Variants in PPP2CB observed in about 807,000 individuals in gnomAD.
PPP2CB encodes the protein serine/threonine-protein phosphatase 2A catalytic subunit beta isoform.
PPP2CB carries 18 observed loss-of-function variants against 39.1 expected under a neutral mutation model. The observed-to-expected ratio is 0.46, with a 90% confidence interval of 0.32 to 0.68. The LOEUF (loss-of-function observed/expected upper bound fraction) is 0.68, where lower values mean the gene tolerates loss of function less well. PPP2CB is among the 30% of genes least tolerant of loss of function. PPP2CB has a pLI of 0.04. For missense variants in PPP2CB, 226 were observed against 396.9 expected (o/e 0.57, Z 3.66); for synonymous variants, 129 against 133.8 (o/e 0.96, Z 0.25).
chr8:30,800,627 T>A (rs1431091386), intron 1 of PPP2CB, among the ~76,000 whole-genome samples: 1 of 152,248 alleles, frequency 6.6e-6, no homozygotes, highest in East Asian at 1.9e-4. Context: ...CTCATCGATC[T>A]GGCCTCTCTG....
rs1316600837 is a variant in PPP2CB, at chr8:30,786,179, T to C, written c.*56A>G. ...GTTGCTTTTTGTTTTTAAATACATA[T>C]ATTTTAAAAAGCCAGGTATACTTCC... On this transcript the variant is annotated 3_prime_UTR_variant, in exon 7 of 7. Coordinates refer to ENST00000221138, the MANE Select transcript of PPP2CB (RefSeq NM_001009552.2). 2 of 1,359,410 alleles carry C rather than the reference T, an allele frequency of 1.5e-6. No individual in the cohort carries two copies. The highest frequency in any genetic ancestry group is 3.0e-5 in the African/African-American group (2 of 67,458). 84.2% of individuals were successfully genotyped at this position (1,359,410 alleles called of 1,614,324 possible). A position where few individuals can be genotyped will look rare whatever the true frequency, so the allele number is the denominator to read the frequency against.
At chr8:30,792,788 CA>C (rs1188606052) in intron 5 of PPP2CB, among the ~76,000 whole-genome samples, 30 of 152,218 alleles carry the variant, frequency 2.0e-4, no homozygotes, top group African/African-American at 6.7e-4. Flanking sequence ...TCCCAAATAA[CA>C]GCTAAATTTT....
intron 1 of PPP2CB, among the ~76,000 whole-genome samples, chr8:30,806,962 A>C (rs1485611564): frequency 6.6e-6 from 1 of 152,224 alleles, no homozygotes; most frequent in Non-Finnish European, 1.5e-5. Context: ...TAAAGTAGAG[A>C]AATGTAACAA....
At position 30,812,661 on chromosome 8, in the gene PPP2CB, GGCCGCGC is replaced by G. The variant is rs954567207; in HGVS notation, c.-247_-241del. Reference sequence around the variant, plus strand: ...GACCCCCGCCCGCCCTTCCCCGCCCGGCCGCGCGCCGCGGGAGTCGGTGAAGGACGCG... The same window carrying G: ...GACCCCCGCCCGCCCTTCCCCGCCCGGCCGCGGGAGTCGGTGAAGGACGCG... On this transcript the variant is annotated 5_prime_UTR_variant, in exon 1 of 7. Coordinates refer to ENST00000221138, the MANE Select transcript of PPP2CB (RefSeq NM_001009552.2). The G allele has an allele frequency of 7.2e-5, 26 of 359,890 alleles. No individual in the cohort carries two copies. The highest frequency in any genetic ancestry group is 1.0e-4 in the Non-Finnish European group (20 of 198,372). The allele number at this position is 359,890 out of a possible 1,614,324, so 22.3% of individuals were successfully genotyped here.
rs147412005 is a variant in PPP2CB, at chr8:30,791,274, G to A, written c.780C>T (p.Phe260=). 12 of 1,612,564 alleles carry A rather than the reference G, an allele frequency of 7.4e-6. No individual in the cohort carries two copies. Among genetic ancestry groups the A allele is most frequent in the Non-Finnish European group, 9.3e-6 (11 of 1,179,636 alleles). The change falls in exon 6 of 7, where the codon TTC becomes TTT. Residue 260 remains phenylalanine (F), a synonymous_variant. Coordinates refer to ENST00000221138, the MANE Select transcript of PPP2CB (RefSeq NM_001009552.2). ...WCHDRNVVTI[F]SAPNYCYRCG... Reference sequence around the variant, plus strand: ...AACGATAACAGTAATTGGGTGCACTGAAAATGGTAACCACATTCCGATCAT... The same window carrying A: ...AACGATAACAGTAATTGGGTGCACTAAAAATGGTAACCACATTCCGATCAT...
Position 30,799,620 on chromosome 8 carries a change from A to G in PPP2CB, c.238T>C (p.Tyr80His). 1 of 1,614,082 alleles carries G rather than the reference A, an allele frequency of 6.2e-7. No homozygotes were observed. Among genetic ancestry groups the G allele is most frequent in the Non-Finnish European group, 8.5e-7 (1 of 1,179,932 alleles). ...RIGGKSPDTN[Y>H]LFMGDYVDRG... ...TCTACATAGTCACCCATGAATAAGTAGTTTGTATCCGGTGATTTTCCACCA... is the reference window on the plus strand; with the variant it reads ...TCTACATAGTCACCCATGAATAAGTGGTTTGTATCCGGTGATTTTCCACCA... The change falls in exon 2 of 7, where the codon TAC (tyrosine) becomes CAC (histidine). Residue 80 changes from tyrosine to histidine, a missense_variant. Tyr to His is a moderately conservative substitution (Grantham distance 83). Transcript: ENST00000221138.
chr8:30,800,233 C>A (rs575254420), intron 1 of PPP2CB, among the ~76,000 whole-genome samples: 3 of 152,174 alleles, frequency 2.0e-5, no homozygotes, highest in Non-Finnish European at 4.4e-5. Context: ...AAATGAAGTA[C>A]TGATACATGC....
intron 1 of PPP2CB, among the ~76,000 whole-genome samples, chr8:30,801,348 C>G (rs987326578): frequency 6.6e-5 from 10 of 151,922 alleles, no homozygotes; most frequent in Admixed American, 1.3e-4. Flanking sequence ...CTGGCTAACA[C>G]AGTGAAACCC....
At chr8:30,812,080 G>A (rs1298050427) in intron 1 of PPP2CB, among the ~76,000 whole-genome samples, 1 of 152,038 alleles carries the variant, frequency 6.6e-6, no homozygotes, top group Non-Finnish European at 1.5e-5. Context: ...CCACGCCCGG[G>A]ATCTGGGCAG....
rs1032162876 is a variant in PPP2CB, at chr8:30,794,424, CT to C, written c.487-144del. 6.3e-5 allele frequency: 44 copies of C among 698,636 alleles called. No individual in the cohort carries two copies. In the South Asian group the frequency reaches 6.7e-4, roughly 11 times the overall value. 43.3% of individuals were successfully genotyped at this position (698,636 alleles called of 1,614,324 possible). On this transcript the variant is annotated intron_variant, in intron 3 of 6. Coordinates refer to ENST00000221138, the MANE Select transcript of PPP2CB (RefSeq NM_001009552.2). ...GTCCATCATTTTTTCTTCTTTACCC[CT>C]TCTCTGGTCAATGGTATCCCCATCC...
At chr8:30,796,835 C>T (rs1010971355) in intron 3 of PPP2CB, among the ~76,000 whole-genome samples, 1 of 152,086 alleles carries the variant, frequency 6.6e-6, no homozygotes, top group South Asian at 2.1e-4. Flanking sequence ...GCAGAAATAG[C>T]ATTTGCTTCT....
At chr8:30,804,119 T>G (rs1026226522) in intron 1 of PPP2CB, among the ~76,000 whole-genome samples, 1 of 152,216 alleles carries the variant, frequency 6.6e-6, no homozygotes, top group Non-Finnish European at 1.5e-5. Context: ...CTGTGCCCAG[T>G]TGACAAAATA....
intron 5 of PPP2CB, 186 bp downstream of exon 5, chr8:30,793,731 C>A: frequency 1.8e-6 from 1 of 547,584 alleles, no homozygotes; most frequent in Non-Finnish European, 3.0e-6. Flanking sequence ...GTCTCAATTT[C>A]AAAAATGAGT....
chr8:30,789,919 C>T (rs879801453), intron 6 of PPP2CB, among the ~76,000 whole-genome samples: 24 of 152,104 alleles, frequency 1.6e-4, no homozygotes, highest in Non-Finnish European at 2.9e-4. Flanking sequence ...AAAATCCTTC[C>T]TAGCCTCTCC....
At chr8:30,803,110 C>T (rs1806653346) in intron 1 of PPP2CB, among the ~76,000 whole-genome samples, 1 of 152,188 alleles carries the variant, frequency 6.6e-6, no homozygotes, top group African/African-American at 2.4e-5. Context: ...TTTACTTCGG[C>T]TCCTAAATAA....
At chr8:30,797,531 T>C in intron 3 of PPP2CB, 50 bp downstream of exon 3, 6 of 1,503,630 alleles carry the variant, frequency 4.0e-6, no homozygotes, top group Non-Finnish European at 5.4e-6. Flanking sequence ...CAATAGTCAA[T>C]CTCTGCTTCC....
intron 2 of PPP2CB, 105 bp downstream of exon 2, chr8:30,799,441 G>A (rs1806581786): frequency 1.1e-6 from 1 of 878,340 alleles, no homozygotes; most frequent in Non-Finnish European, 1.8e-6. Flanking sequence ...ATTTTAAGGG[G>A]CTATAAACTG....
At chr8:30,788,332 T>C (rs1806377102) in intron 6 of PPP2CB, among the ~76,000 whole-genome samples, 1 of 152,102 alleles carries the variant, frequency 6.6e-6, no homozygotes, top group South Asian at 2.1e-4. Context: ...GCTGTGATCA[T>C]AGCTCATTGC....
In PPP2CB at chr8:30,805,908, A is replaced by C. The variant is rs979120782; in HGVS notation, c.103-6153T>G. 2.6e-5 allele frequency among the ~76,000 whole-genome samples: 4 copies of C among 152,336 alleles called. No individual in the cohort carries two copies. In the East Asian group the frequency reaches 7.7e-4, roughly 29 times the overall value. On this transcript the variant is annotated intron_variant, in intron 1 of 6. Coordinates refer to ENST00000221138, the MANE Select transcript of PPP2CB (RefSeq NM_001009552.2). Reference sequence around the variant, plus strand: ...TATCTCAGTCAAAAAACAGTTTACAAGGAATGATGATAAATATTTCTAAAT... The same window carrying C: ...TATCTCAGTCAAAAAACAGTTTACACGGAATGATGATAAATATTTCTAAAT...
Sources: gnomAD v4.1 joint callset for allele counts (sites outside exome capture counted in the v4.1 genomes callset) on GRCh38, gnomAD v4.1.1 for gene constraint, MANE v1.5 for transcripts, NCBI Gene and HGNC (gene_info 2026-07-23, HGNC 2026-07-21) for gene names.